LPIN2: variants seen among roughly 807,000 people sequenced by gnomAD.
LPIN2 encodes lipin 2.
In LPIN2, 55 loss-of-function variants were observed where a neutral mutation model predicts 111.4. The ratio of observed to expected loss-of-function variants is 0.49; its 90% CI spans 0.40 to 0.62. The LOEUF is 0.62. Ranked by LOEUF, LPIN2 falls within the 20% of genes least tolerant of loss-of-function variation. The pLI is 0.00. For missense variants in LPIN2, 992 were observed against 1,112.1 expected, an observed-to-expected ratio of 0.89 and a Z score of 1.54; for synonymous variants, 425 against 414.0, an observed-to-expected ratio of 1.03 and a Z score of -0.32.
rs1286007258 is a variant in LPIN2, at chr18:2,925,423, A to G, written c.1794-55T>C. The G allele has an allele frequency of 4.3e-6, 7 of 1,609,546 alleles. No individual in the cohort carries two copies. Among genetic ancestry groups the G allele is most frequent in the Non-Finnish European group, 5.9e-6 (7 of 1,176,752 alleles). Reference sequence around the variant, plus strand: ...GGCAGCAGGGCATTTTATTGATGAGAGCTTTTCATTTAGGATCAAGAAAAT... The same window carrying G: ...GGCAGCAGGGCATTTTATTGATGAGGGCTTTTCATTTAGGATCAAGAAAAT... On this transcript the variant is annotated intron_variant, in intron 13 of 19. Transcript: ENST00000677752. The surrounding 1 kb of genome is among the most constrained non-coding windows in gnomAD (Gnocchi z 4.1).
chr18:2,962,906 TATAAAC>T (rs1014979867), intron 1 of LPIN2, among the ~76,000 whole-genome samples: 9 of 152,190 alleles, frequency 5.9e-5, no homozygotes, highest in Admixed American at 2.0e-4. Context: ...AAACAAGTCT[TATAAAC>T]ATAAATGTGT....
chr18:2,980,032 A>C (rs2078082489), intron 1 of LPIN2, among the ~76,000 whole-genome samples: 1 of 152,192 alleles, frequency 6.6e-6, no homozygotes. Flanking sequence ...AACACTCCTA[A>C]AACTTAGGGG....
chr18:2,945,901 T>C lies in LPIN2; in HGVS notation c.590+5154A>G, dbSNP rs2077444455. ...GCATCTTTTTTAGTCCACATGTTTCTCTTTTGTACAGCCCTCTTGGTCTAA... is the reference window on the plus strand; with the variant it reads ...GCATCTTTTTTAGTCCACATGTTTCCCTTTTGTACAGCCCTCTTGGTCTAA... On this transcript the variant is annotated intron_variant, in intron 4 of 19. Coordinates refer to ENST00000677752, the MANE Select transcript of LPIN2 (RefSeq NM_001375808.2). 2.6e-5 allele frequency: 37 copies of C among 1,422,462 alleles called. No homozygotes were observed. The South Asian group carries it at 3.4e-4, about 13-fold the overall frequency. The allele number at this position is 1,422,462 out of a possible 1,614,324, so 88.1% of individuals were successfully genotyped here.
chr18:2,965,132 A>T (rs982334289), intron 1 of LPIN2, among the ~76,000 whole-genome samples: 1 of 152,138 alleles, frequency 6.6e-6, no homozygotes, highest in African/African-American at 2.4e-5. Flanking sequence ...TGATTACTCA[A>T]ATAAAAAAGT....
In LPIN2 at chr18:2,920,052, G is replaced by A. The variant is rs2077029229; in HGVS notation, c.*241C>T. ...AGGAAACATGTGTGCGACCCACAAA[G>A]GAGGGATCCCAGGCCTCCAGCCCCA... On this transcript the variant is annotated 3_prime_UTR_variant, in exon 20 of 20. Coordinates refer to ENST00000677752, the MANE Select transcript of LPIN2 (RefSeq NM_001375808.2). The A allele has an allele frequency of 3.4e-6, 2 of 586,594 alleles. No homozygotes were observed. Among genetic ancestry groups the A allele is most frequent in the South Asian group, 2.0e-5 (1 of 50,718 alleles). The allele number at this position is 586,594 out of a possible 1,614,324, so 36.3% of individuals were successfully genotyped here.
chr18:2,980,789 G>A (rs539768108), intron 1 of LPIN2, among the ~76,000 whole-genome samples: 3 of 152,064 alleles, frequency 2.0e-5, no homozygotes, highest in Non-Finnish European at 4.4e-5. Flanking sequence ...ATGGTCAGGT[G>A]ACCTCTAGAG....
chr18:2,984,146 A>G (rs940924682), intron 1 of LPIN2, among the ~76,000 whole-genome samples: 7 of 152,246 alleles, frequency 4.6e-5, no homozygotes, highest in Non-Finnish European at 1.0e-4. Flanking sequence ...ATACAGTAAC[A>G]TATCACCAAG....
At chr18:2,959,524 T>C (rs1287040444) in intron 2 of LPIN2, among the ~76,000 whole-genome samples, 1 of 152,198 alleles carries the variant, frequency 6.6e-6, no homozygotes, top group African/African-American at 2.4e-5. Context: ...AGCCTTTCTA[T>C]GTTATTTAAG....
intron 16 of LPIN2, 82 bp from the exon 17 acceptor site, chr18:2,922,281 TTTC>T (rs2077067359): frequency 6.6e-7 from 1 of 1,505,596 alleles, no homozygotes; most frequent in Non-Finnish European, 9.0e-7. Context: ...ACCCCACACT[TTTC>T]TTTCTTTTTT....
At chr18:2,939,926 T>C (rs1261256587) in intron 5 of LPIN2, among the ~76,000 whole-genome samples, 2 of 152,200 alleles carry the variant, frequency 1.3e-5, no homozygotes, top group Non-Finnish European at 2.9e-5. Flanking sequence ...CAAATTAACA[T>C]AACACCTGAG....
At chr18:3,001,254 C>A (rs2078431439) in intron 1 of LPIN2, among the ~76,000 whole-genome samples, 1 of 152,168 alleles carries the variant, frequency 6.6e-6, no homozygotes, top group Non-Finnish European at 1.5e-5. Flanking sequence ...TAATCCAGGA[C>A]TCAGAATCCA....
At chr18:2,988,683 T>C (rs983374316) in intron 1 of LPIN2, among the ~76,000 whole-genome samples, 2 of 152,208 alleles carry the variant, frequency 1.3e-5, no homozygotes, top group African/African-American at 2.4e-5. Context: ...TCAAGTTAAA[T>C]GCTGGTAATG....
In LPIN2 at chr18:2,925,948, C is replaced by T. The variant is rs2077124374; in HGVS notation, c.1794-580G>A. Among the ~76,000 whole-genome samples the T allele has an allele frequency of 6.6e-6, 1 of 152,056 alleles. No individual in the cohort carries two copies. The highest frequency in any genetic ancestry group is 1.5e-5 in the Non-Finnish European group (1 of 67,994). On this transcript the variant is annotated intron_variant, in intron 13 of 19. Transcript: ENST00000677752. The surrounding 1 kb of genome is among the most constrained non-coding windows in gnomAD (Gnocchi z 4.1). ...TTGAGCCCAGGAGTTTGAGACCAGC[C>T]TGGGCAACACAGCAAGACCCTGTCT...
intron 8 of LPIN2, among the ~76,000 whole-genome samples, chr18:2,932,138 T>C (rs143087189): frequency 1.3e-5 from 2 of 152,220 alleles, no homozygotes; most frequent in Non-Finnish European, 1.5e-5. Context: ...GGAAACCTTA[T>C]GCAATGAAGT....
intron 4 of LPIN2, among the ~76,000 whole-genome samples, chr18:2,947,461 TAC>T (rs1478994258): frequency 6.6e-6 from 1 of 152,194 alleles, no homozygotes; most frequent in African/African-American, 2.4e-5. Flanking sequence ...ACTTACTAGG[TAC>T]AGTTTTTTAA....
intron 1 of LPIN2, among the ~76,000 whole-genome samples, chr18:2,988,252 A>G (rs1017843876): frequency 6.6e-6 from 1 of 152,188 alleles, no homozygotes; most frequent in African/African-American, 2.4e-5. Context: ...ACAACATTCC[A>G]TATTCTTGAA....
At position 2,917,012 on chromosome 18, in the gene LPIN2, C is replaced by T. The variant is rs766205181; in HGVS notation, c.*3281G>A. The T allele has an allele frequency of 2.6e-5, 4 of 152,190 alleles. No homozygotes were observed. Among genetic ancestry groups the T allele is most frequent in the African/African-American group, 4.8e-5 (2 of 41,438 alleles). 9.4% of individuals were successfully genotyped at this position (152,190 alleles called of 1,614,324 possible). ...AAATGCATTCAGTTTATGTTATGTT[C>T]GTTTATTGTTGTAACATTTTGTTTT... On this transcript the variant is annotated 3_prime_UTR_variant, in exon 20 of 20. Transcript: ENST00000677752.
rs2077032345 is a variant in LPIN2, at chr18:2,920,236, G to A, written c.*57C>T. On this transcript the variant is annotated 3_prime_UTR_variant, in exon 20 of 20. Coordinates refer to ENST00000677752, the MANE Select transcript of LPIN2 (RefSeq NM_001375808.2). ...TCTGAGGTCAGCAGAAGAGCCAGCT[G>A]CCTTCCCTTGCTGTGGGGAGGGGGA... 5 of 1,609,208 alleles carry A rather than the reference G, an allele frequency of 3.1e-6. No homozygotes were observed. Among genetic ancestry groups the A allele is most frequent in the Admixed American group, 1.7e-5 (1 of 59,996 alleles).
chr18:2,982,768 A>T, intron 1 of LPIN2: 1 of 1,278,978 alleles, frequency 7.8e-7, no homozygotes, highest in South Asian at 1.2e-5. Flanking sequence ...TAAGTAAAAC[A>T]TCTTGAAATT....
Sources: allele counts gnomAD v4.1 joint callset (sites outside exome capture counted in the v4.1 genomes callset), GRCh38; gene constraint gnomAD v4.1.1; non-coding constraint Gnocchi (gnomAD v3.1); transcripts MANE v1.5; gene names NCBI Gene and HGNC (gene_info 2026-07-23, HGNC 2026-07-21).